MND1: variants seen among roughly 807,000 people sequenced by gnomAD.
MND1 encodes meiotic nuclear divisions 1.
Under a neutral mutation model 35.1 loss-of-function variants are expected in MND1, and 28 were observed. That is an observed-to-expected ratio of 0.80 (90% CI 0.59 to 1.09). MND1 has a LOEUF of 1.09. Ranked by LOEUF, MND1 falls within the 50% of genes least tolerant of loss-of-function variation. The probability of loss-of-function intolerance (pLI) is 0.00; values close to 1 mark genes in which losing one functional copy is unlikely to be tolerated. For synonymous variants in MND1, 69 were observed against 70.5 expected, an observed-to-expected ratio of 0.98 and a Z score of 0.11; for missense variants, 213 against 239.6, an observed-to-expected ratio of 0.89 and a Z score of 0.73.
intron 3 of MND1, among the ~76,000 whole-genome samples, chr4:153,356,434 T>G (rs1054777390): frequency 1.3e-5 from 2 of 150,022 alleles, no homozygotes; most frequent in African/African-American, 2.5e-5. Flanking sequence ...GCGTCTATAG[T>G]CCCAGCTACT....
intron 4 of MND1, among the ~76,000 whole-genome samples, chr4:153,372,235 A>G (rs905915903): frequency 7.9e-5 from 12 of 152,204 alleles, no homozygotes; most frequent in Non-Finnish European, 1.5e-4. Context: ...AATGACACCA[A>G]TAGACTTGCT....
chr4:153,376,623 G>A (rs1728517878), intron 4 of MND1, among the ~76,000 whole-genome samples: 2 of 152,150 alleles, frequency 1.3e-5, no homozygotes. Flanking sequence ...GGCAATACAG[G>A]AAGTAACTGA....
rs764938843 is a variant in MND1, at chr4:153,414,775, G to T, written c.536G>T (p.Trp179Leu). The part of the protein sequence containing the change: ...WTDNIFAIKS[W>L]AKRKFGFEEN... The stretch of plus-strand genomic sequence containing the variant: ...GATAACATATTCGCAATAAAATCTT[G>T]GGCCAAAAGAAAATTTGGGTTTGAA... The change falls in exon 8 of 8, where the codon TGG becomes TTG. Residue 179 changes from tryptophan to leucine, a missense_variant. Transcript: ENST00000240488. The T allele has an allele frequency of 1.3e-6, 2 of 1,532,636 alleles. No individual in the cohort carries two copies. Among genetic ancestry groups the T allele is most frequent in the Admixed American group, 3.9e-5 (2 of 51,342 alleles). The allele number at this position is 1,532,636 out of a possible 1,614,324, so 94.9% of individuals were successfully genotyped here. A position where few individuals can be genotyped will look rare whatever the true frequency, so the allele number is the denominator to read the frequency against.
chr4:153,389,254 A>G (rs978244743), intron 4 of MND1, among the ~76,000 whole-genome samples: 3 of 152,242 alleles, frequency 2.0e-5, no homozygotes, highest in East Asian at 1.9e-4. Flanking sequence ...ACCCGCCTCT[A>G]TCTGCCTAGG....
At chr4:153,346,720 T>C (rs144672526) in intron 1 of MND1, among the ~76,000 whole-genome samples, 1 of 152,172 alleles carries the variant, frequency 6.6e-6, no homozygotes, top group African/African-American at 2.4e-5. Flanking sequence ...CTGAGCTGAG[T>C]GTTGAGAGCT....
chr4:153,408,888 AC>A, intron 6 of MND1, 82 bp from the exon 7 acceptor site: 1 of 433,966 alleles, frequency 2.3e-6, no homozygotes, highest in Non-Finnish European at 3.5e-6. Context: ...ACAAATGTAT[AC>A]ATAGCTAAAG....
At chr4:153,409,096 C>T in intron 7 of MND1, 81 bp downstream of exon 7, 1 of 792,448 alleles carries the variant, frequency 1.3e-6, no homozygotes, top group African/African-American at 1.8e-5. Context: ...ATACCTTGTG[C>T]TAGCTTTGTT....
chr4:153,380,111 ATTT>A (rs957977446), intron 4 of MND1, among the ~76,000 whole-genome samples: 53 of 152,186 alleles, frequency 3.5e-4, no homozygotes, highest in African/African-American at 1.3e-3. Flanking sequence ...TACTGTGGAC[ATTT>A]TTATATAATT....
chr4:153,347,932 C>T (rs2149627060), intron 1 of MND1, among the ~76,000 whole-genome samples: 1 of 152,066 alleles, frequency 6.6e-6, no homozygotes, highest in East Asian at 1.9e-4. Context: ...TGATAAAGGG[C>T]CTTGTATATC....
intron 6 of MND1, among the ~76,000 whole-genome samples, chr4:153,403,945 C>T (rs1729412950): frequency 6.6e-6 from 1 of 151,830 alleles, no homozygotes; most frequent in African/African-American, 2.4e-5. Flanking sequence ...TTTGTAGAGA[C>T]AGGATTTCAC....
chr4:153,348,726 G>C (rs35887104), intron 1 of MND1, among the ~76,000 whole-genome samples: 28,329 of 151,874 alleles, frequency 0.19, 2,797 homozygotes, highest in African/African-American at 0.25. Flanking sequence ...GCCCAGGCTG[G>C]TCTCAAACTC....
At chr4:153,363,271 G>A (rs1338980412) in intron 4 of MND1, among the ~76,000 whole-genome samples, 1 of 151,474 alleles carries the variant, frequency 6.6e-6, no homozygotes, top group Non-Finnish European at 1.5e-5. Flanking sequence ...GAGTGCAGAG[G>A]CACAAACTCA....
intron 4 of MND1, chr4:153,363,129 C>T (rs932189285): frequency 2.2e-6 from 1 of 453,434 alleles, no homozygotes; most frequent in Non-Finnish European, 2.9e-6. Flanking sequence ...ACCTGTTTTC[C>T]TGGTGTGCAT....
intron 4 of MND1, among the ~76,000 whole-genome samples, chr4:153,393,380 T>C (rs944175248): frequency 2.0e-5 from 3 of 149,660 alleles, no homozygotes; most frequent in African/African-American, 7.3e-5. Flanking sequence ...TTTTTTTTTT[T>C]TTTTTTTTGA....
chr4:153,351,410 T>C (rs1298402059), intron 2 of MND1, among the ~76,000 whole-genome samples: 1 of 152,210 alleles, frequency 6.6e-6, no homozygotes, highest in Non-Finnish European at 1.5e-5. Context: ...TTTCATATAT[T>C]CCTGTTTCTT....
At chr4:153,391,326 G>T (rs1272853702) in intron 4 of MND1, among the ~76,000 whole-genome samples, 5 of 151,970 alleles carry the variant, frequency 3.3e-5, no homozygotes, top group Admixed American at 6.6e-5. Flanking sequence ...ACCACGACTG[G>T]CTAATTTTGT....
intron 6 of MND1, among the ~76,000 whole-genome samples, chr4:153,403,779 T>G (rs956854808): frequency 2.6e-5 from 4 of 151,970 alleles, no homozygotes; most frequent in Non-Finnish European, 5.9e-5. Flanking sequence ...TTATTACTTT[T>G]TTTTTTGAGA....
chr4:153,353,435 A>G (rs1044047657), intron 2 of MND1, among the ~76,000 whole-genome samples: 1 of 128,796 alleles, frequency 7.8e-6, no homozygotes, highest in African/African-American at 3.0e-5. Context: ...ATATATATAT[A>G]TATATATATA....
chr4:153,407,987 C>T (rs1197186492), intron 6 of MND1, among the ~76,000 whole-genome samples: 1 of 151,978 alleles, frequency 6.6e-6, no homozygotes, highest in African/African-American at 2.4e-5. Context: ...TCATAAAAAC[C>T]ACTGAAAGCC....
Sources: allele counts gnomAD v4.1 joint callset (sites outside exome capture counted in the v4.1 genomes callset), GRCh38; gene constraint gnomAD v4.1.1; transcripts MANE v1.5; gene names NCBI Gene and HGNC (gene_info 2026-07-23, HGNC 2026-07-21).